Variants in NUMB observed in about 807,000 individuals in gnomAD.
The protein encoded by NUMB is NUMB endocytic adaptor protein, also known as protein numb homolog.
Under a neutral mutation model 59.7 loss-of-function variants are expected in NUMB, and 29 were observed. The observed-to-expected ratio is 0.49, with a 90% CI of 0.36 to 0.66. The LOEUF is 0.66. NUMB is among the 30% of genes least tolerant of loss of function. NUMB has a pLI of 0.00. For missense variants in NUMB, 723 were observed against 822.0 expected (o/e 0.88, Z 1.47); for synonymous variants, 288 against 288.2 (o/e 1.00, Z 0.01).
intron 11 of NUMB, 46 bp from the exon 12 acceptor site, chr14:73,279,470 T>C (rs1888458110): frequency 1.3e-6 from 2 of 1,522,654 alleles, no homozygotes; most frequent in African/African-American, 2.8e-5. Context: ...TCATGCAGGG[T>C]GTACAAGTGA....
chr14:73,437,055 T>C (rs1306645062), intron 1 of NUMB, among the ~76,000 whole-genome samples: 1 of 125,168 alleles, frequency 8.0e-6, no homozygotes, highest in East Asian at 2.0e-4. Flanking sequence ...TTTTTTTTTT[T>C]TTTTTTTGTT....
chr14:73,305,063 G>C (rs1055319956), intron 6 of NUMB, among the ~76,000 whole-genome samples: 4 of 152,170 alleles, frequency 2.6e-5, no homozygotes, highest in African/African-American at 4.8e-5. Context: ...TACCGCGCCT[G>C]GCCGAAATGA....
At chr14:73,421,805 A>C (rs1232818235) in intron 1 of NUMB, among the ~76,000 whole-genome samples, 1 of 152,212 alleles carries the variant, frequency 6.6e-6, no homozygotes, top group Non-Finnish European at 1.5e-5. Flanking sequence ...GTTTAAAAAA[A>C]ACAAACACTT....
intron 1 of NUMB, among the ~76,000 whole-genome samples, chr14:73,440,941 G>GA (rs558632543): frequency 1.7e-3 from 155 of 93,660 alleles, no homozygotes; most frequent in Admixed American, 1.9e-3. Context: ...GTCTAAAAAA[G>GA]AAAAAAAAAA....
At chr14:73,308,272 G>A (rs888144809) in intron 6 of NUMB, among the ~76,000 whole-genome samples, 2 of 152,180 alleles carry the variant, frequency 1.3e-5, no homozygotes, top group Admixed American at 6.5e-5. Context: ...AAGAAAAAGA[G>A]AAGTCAAGGT....
intron 6 of NUMB, among the ~76,000 whole-genome samples, chr14:73,309,961 A>T (rs1890683983): frequency 1.3e-5 from 2 of 152,164 alleles, no homozygotes; most frequent in African/African-American, 4.8e-5. Context: ...CTAAAACTTA[A>T]CCATTTCTAA....
chr14:73,443,719 C>A lies in NUMB; in HGVS notation c.-233+14774G>T, dbSNP rs150681177. ...AGGCTGGAGTGCAGTAGCGTGATCTCAGCTCACTGCAACCACTACCTACCG... is the reference window on the plus strand; with the variant it reads ...AGGCTGGAGTGCAGTAGCGTGATCTAAGCTCACTGCAACCACTACCTACCG... On this transcript the variant is annotated intron_variant, in intron 1 of 12. Transcript: ENST00000555238. Among the ~76,000 whole-genome samples the A allele has an allele frequency of 5.4e-3, 827 of 152,174 alleles. 16 individuals carry two copies. Among genetic ancestry groups the A allele is most frequent in the African/African-American group, 0.019 (794 of 41,538 alleles).
At chr14:73,413,954 T>C (rs1038124150) in intron 1 of NUMB, among the ~76,000 whole-genome samples, 1 of 151,746 alleles carries the variant, frequency 6.6e-6, no homozygotes, top group African/African-American at 2.4e-5. Flanking sequence ...CAAATGTTTT[T>C]TCTTTTTTTT....
rs1888819694 is a variant in NUMB, at chr14:73,284,124, A to G, written c.906T>C (p.Pro302=). ...AATCAGTCTTCCTCTGCATAGTGGAAGGCAACTCATTGATGCGTAGGGATA... is the reference window on the plus strand; with the variant it reads ...AATCAGTCTTCCTCTGCATAGTGGAGGGCAACTCATTGATGCGTAGGGATA... ...RQLSLRINEL[P]STMQRKTDFP... Residue 302 remains proline, a synonymous_variant, in exon 10 of 13, where the codon CCT becomes CCC. Transcript: ENST00000555238. 1 of 1,614,178 alleles carries G rather than the reference A, an allele frequency of 6.2e-7. No homozygotes were observed. The highest frequency in any genetic ancestry group is 1.3e-5 in the African/African-American group (1 of 75,048).
rs148488329 is a variant in NUMB at position 73,427,854 on chromosome 14, C to T, written c.-232-17786G>A. Among the ~76,000 whole-genome samples the T allele has an allele frequency of 6.8e-3, 1,039 of 152,228 alleles. 5 individuals carry two copies. The highest frequency in any genetic ancestry group is 0.03 in the South Asian group (144 of 4,826). On this transcript the variant is annotated intron_variant, in intron 1 of 12. Transcript: ENST00000555238. ...AAACCTTTTCTACTTTCCCAACAAA[C>T]CAACAATCATGATCATCTGAAAATA... is the stretch of plus-strand genomic sequence containing the variant.
At chr14:73,419,488 G>A (rs1471650486) in intron 1 of NUMB, among the ~76,000 whole-genome samples, 3 of 152,130 alleles carry the variant, frequency 2.0e-5, no homozygotes, top group East Asian at 1.9e-4. Flanking sequence ...CAGCCTGGGC[G>A]ACAGAGCGAG....
intron 1 of NUMB, among the ~76,000 whole-genome samples, chr14:73,431,253 C>T (rs964568564): frequency 5.7e-5 from 8 of 139,238 alleles, no homozygotes; most frequent in African/African-American, 2.3e-4. Flanking sequence ...CCGCACTTGG[C>T]TTTTCTTTTT....
chr14:73,304,245 C>T (rs1387245343), intron 6 of NUMB, among the ~76,000 whole-genome samples: 4 of 150,884 alleles, frequency 2.7e-5, no homozygotes, highest in African/African-American at 9.8e-5. Flanking sequence ...ACTGAAATAA[C>T]CAATTGCTAT....
chr14:73,297,138 G>T, intron 7 of NUMB, 73 bp downstream of exon 7: 3 of 1,025,388 alleles, frequency 2.9e-6, no homozygotes, highest in Non-Finnish European at 1.5e-6. Context: ...TTGCACTCCA[G>T]CCTGGGTGAC....
chr14:73,390,938 C>T (rs1895821881), intron 2 of NUMB, among the ~76,000 whole-genome samples: 1 of 151,932 alleles, frequency 6.6e-6, no homozygotes, highest in Non-Finnish European at 1.5e-5. Flanking sequence ...CATGAGCCAC[C>T]ACACCTGGCT....
chr14:73,410,118 T>C (rs1481774609), intron 1 of NUMB, 50 bp from the exon 2 acceptor site: 1 of 152,242 alleles, frequency 6.6e-6, no homozygotes, highest in Non-Finnish European at 1.5e-5. Flanking sequence ...CTCCTTTCAA[T>C]CACTTAAAAT....
At chr14:73,324,440 C>T (rs1189628306) in intron 4 of NUMB, among the ~76,000 whole-genome samples, 1 of 152,034 alleles carries the variant, frequency 6.6e-6, no homozygotes, top group Non-Finnish European at 1.5e-5. Flanking sequence ...AATCTATCTA[C>T]TGTCAGTTTA....
intron 3 of NUMB, chr14:73,356,950 G>T: frequency 2.4e-6 from 1 of 421,794 alleles, no homozygotes. Flanking sequence ...CTCCCGCCTT[G>T]GCCTCTCTAA....
At chr14:73,443,210 A>C (rs921871886) in intron 1 of NUMB, among the ~76,000 whole-genome samples, 4 of 152,162 alleles carry the variant, frequency 2.6e-5, no homozygotes, top group African/African-American at 9.7e-5. Flanking sequence ...CATCAATTGT[A>C]CCTGAATAAA....
Sources: allele counts gnomAD v4.1 joint callset (sites outside exome capture counted in the v4.1 genomes callset), GRCh38; gene constraint gnomAD v4.1.1; transcripts MANE v1.5; gene names NCBI Gene and HGNC (gene_info 2026-07-23, HGNC 2026-07-21).